Variants in ZFP28 observed in about 807,000 individuals in gnomAD.
ZFP28 encodes ZFP28 zinc finger protein, also known as zinc finger protein 28 homolog.
In ZFP28, 31 loss-of-function variants were observed where a neutral mutation model predicts 39.5. The observed-to-expected ratio is 0.79, with a 90% CI of 0.59 to 1.06. The LOEUF is 1.06. Ranked by LOEUF, ZFP28 falls within the 50% of genes least tolerant of loss-of-function variation. The probability of loss-of-function intolerance (pLI) is 0.00; values close to 1 mark genes in which losing one functional copy is unlikely to be tolerated. For missense variants in ZFP28, 925 were observed against 1,048.4 expected (o/e 0.88, Z 1.63); for synonymous variants, 400 against 378.6 (o/e 1.06, Z -0.66).
intron 2 of ZFP28, among the ~76,000 whole-genome samples, chr19:56,541,248 G>A (rs1333091880): frequency 6.6e-6 from 1 of 152,152 alleles, no homozygotes; most frequent in Non-Finnish European, 1.5e-5. Context: ...TACTCAGTCC[G>A]GAAGCCTTGT....
chr19:56,548,862 C>CT, intron 4 of ZFP28, 96 bp from the exon 5 acceptor site: 1 of 1,267,336 alleles, frequency 7.9e-7, no homozygotes, highest in South Asian at 1.7e-5. Flanking sequence ...TGACTATATG[C>CT]TTTTTTGTGG....
chr19:56,537,443 A>G (rs1258747042), upstream of ZFP28, among the ~76,000 whole-genome samples: 3 of 151,964 alleles, frequency 2.0e-5, no homozygotes, highest in Non-Finnish European at 4.4e-5. Flanking sequence ...CAGAGCCACT[A>G]CTCCTTACAA....
chr19:56,539,148 CG>C lies in ZFP28; in HGVS notation c.134del (p.Gly45GlufsTer59). 1 of 1,596,506 alleles carries C rather than the reference CG, an allele frequency of 6.3e-7. No individual in the cohort carries two copies. ...TCCAGCCACCTTGGCCCTCCCTGCC[CG>C]GGGAAGGCCGCGCTCAAGGAATGGC... ...GTPATLALPARGRPRSRNGLA... is the reference protein window; with the variant it reads ...GTPATLALPAXGRPRSRNGLA... On this transcript the variant is annotated frameshift_variant, in exon 1 of 8. Coordinates refer to ENST00000301318, the MANE Select transcript of ZFP28 (RefSeq NM_020828.2). LOFTEE classifies it high-confidence loss of function.
chr19:56,540,577 T>C (rs1489111133), intron 2 of ZFP28, among the ~76,000 whole-genome samples: 1 of 152,236 alleles, frequency 6.6e-6, no homozygotes, highest in African/African-American at 2.4e-5. Context: ...GATGCAGTGC[T>C]CAATTCTTAG....
At chr19:56,546,920 T>C (rs1162365186) in intron 2 of ZFP28, 1 of 152,516 alleles carries the variant, frequency 6.6e-6, no homozygotes, top group African/African-American at 2.4e-5. Flanking sequence ...TCAGGGGCTG[T>C]CTCCATATTT....
At position 56,555,315 on chromosome 19, in the gene ZFP28, T is replaced by G; in HGVS notation, c.2530T>G (p.Ser844Ala). 2 of 1,614,090 alleles carry G rather than the reference T, an allele frequency of 1.2e-6. No homozygotes were observed. Among genetic ancestry groups the G allele is most frequent in the Non-Finnish European group, 1.7e-6 (2 of 1,180,012 alleles). The change falls in exon 8 of 8, where the codon TCT (serine) becomes GCT (alanine). Residue 844 changes from serine (S) to alanine (A), a missense_variant. This residue lies in a region of ZFP28 where 369 missense variants were observed against 505.5 expected (regional missense o/e 0.73). Coordinates refer to ENST00000301318, the MANE Select transcript of ZFP28 (RefSeq NM_020828.2). ...TACTGGAGAGTCGTCAACATGCCCC[T>G]CTTTACCTTCCACGTCAAATCCTGT... is the stretch of plus-strand genomic sequence containing the variant. ...IHTGESSTCPSLPSTSNPVDL... is the reference protein window; with the variant it reads ...IHTGESSTCPALPSTSNPVDL...
rs758888332 is a variant in ZFP28, at chr19:56,554,624, G to C, written c.1839G>C (p.Gly613=). 12 of 1,613,716 alleles carry C rather than the reference G, an allele frequency of 7.4e-6. No homozygotes were observed. The highest frequency in any genetic ancestry group is 9.3e-6 in the Non-Finnish European group (11 of 1,179,690). ...HLASHLRIHT[G]EKPFECAECG... is the part of the protein sequence containing the mutation. The stretch of plus-strand genomic sequence containing the variant: ...CCAGTCATTTAAGGATTCATACTGG[G>C]GAGAAGCCTTTTGAATGTGCGGAGT... Residue 613 remains glycine (G), a synonymous_variant, in exon 8 of 8, where the codon GGG becomes GGC. Coordinates refer to ENST00000301318, the MANE Select transcript of ZFP28 (RefSeq NM_020828.2). The surrounding 1 kb of genome is among the most constrained non-coding windows in gnomAD (Gnocchi z 6.7).
chr19:56,551,054 C>A, intron 7 of ZFP28: 1 of 1,158,420 alleles, frequency 8.6e-7, no homozygotes, highest in Non-Finnish European at 1.1e-6. Context: ...TAAATGTAAG[C>A]CATCAGTGAA....
chr19:56,551,174 G>T (rs373345367), intron 7 of ZFP28: 1 of 990,404 alleles, frequency 1.0e-6, no homozygotes. Context: ...GTTCCCAGTG[G>T]TGTCTATGTT....
chr19:56,538,877 C>A, upstream of ZFP28: 3 of 551,074 alleles, frequency 5.4e-6, no homozygotes, highest in Non-Finnish European at 7.2e-6. Context: ...GGGGGCGGGG[C>A]GGCTCCGCGG....
At chr19:56,539,516 G>T in intron 1 of ZFP28, 109 bp from the exon 2 acceptor site, 5 of 939,446 alleles carry the variant, frequency 5.3e-6, no homozygotes, top group Non-Finnish European at 8.2e-6. Flanking sequence ...CAGTCCCTAG[G>T]CAGGGTAATG....
chr19:56,550,782 T>C (rs1305402904), intron 7 of ZFP28, 177 bp downstream of exon 7: 1 of 1,527,662 alleles, frequency 6.5e-7, no homozygotes, highest in Non-Finnish European at 8.8e-7. Context: ...TTTGCCCCCT[T>C]CTCTCCAGTA....
chr19:56,540,739 T>C (rs1000714670), intron 2 of ZFP28, among the ~76,000 whole-genome samples: 3 of 152,324 alleles, frequency 2.0e-5, no homozygotes, highest in African/African-American at 7.2e-5. Context: ...AAAGACAATA[T>C]GTAAATGAAT....
At chr19:56,537,244 G>C (rs1367761674), upstream of ZFP28, among the ~76,000 whole-genome samples, 1 of 152,172 alleles carries the variant, frequency 6.6e-6, no homozygotes, top group African/African-American at 2.4e-5. Flanking sequence ...GCCTCCAGTG[G>C]AATGTTGAGT....
rs1337113921 is a variant in ZFP28 at position 56,550,105 on chromosome 19, C to T, written c.726C>T (p.Arg242=). 1.2e-6 allele frequency: 2 copies of T among 1,613,162 alleles called. No individual in the cohort carries two copies. Among genetic ancestry groups the T allele is most frequent in the Non-Finnish European group, 1.7e-6 (2 of 1,179,718 alleles). Residue 242 remains arginine (R), a synonymous_variant, in exon 6 of 8, where the codon CGC becomes CGT. Coordinates refer to ENST00000301318, the MANE Select transcript of ZFP28 (RefSeq NM_020828.2). ...VTIKNLAVDF[R]QQLHPAQKNF... ...TCAAAAACCTGGCTGTTGACTTCCGCCAGCAGCTACACCCAGCTCAGAAGA... is the reference window on the plus strand; with the variant it reads ...TCAAAAACCTGGCTGTTGACTTCCGTCAGCAGCTACACCCAGCTCAGAAGA...
Position 56,554,312 on chromosome 19 carries a change from T to C in ZFP28, c.1527T>C (p.Asp509=), listed in dbSNP as rs760925760. ...HTGEKPFDCI[D]CGKAFSDHIG... is the part of the protein sequence containing the mutation. The stretch of plus-strand genomic sequence containing the variant: ...GGGAGAAACCCTTTGATTGCATCGA[T>C]TGTGGGAAAGCCTTCAGTGACCACA... Residue 509 remains aspartate, a synonymous_variant, in exon 8 of 8, where the codon GAT becomes GAC. Transcript: ENST00000301318. This position sits in a 1 kb window ranked among gnomAD's most constrained non-coding sequence, Gnocchi z 6.7. The C allele has an allele frequency of 9.3e-6, 15 of 1,613,916 alleles. No individual in the cohort carries two copies. Among genetic ancestry groups the C allele is most frequent in the African/African-American group, 1.3e-5 (1 of 74,874 alleles).
At chr19:56,545,837 C>T (rs1275352762) in intron 2 of ZFP28, 2 of 152,220 alleles carry the variant, frequency 1.3e-5, no homozygotes, top group African/African-American at 4.8e-5. Flanking sequence ...GCTACATTAT[C>T]AGGTTCACCA....
In ZFP28 at chr19:56,547,573, C is replaced by T; in HGVS notation, c.366C>T (p.Pro122=). 6.2e-7 allele frequency: 1 copy of T among 1,613,956 alleles called. No individual in the cohort carries two copies. Among genetic ancestry groups the T allele is most frequent in the Non-Finnish European group, 8.5e-7 (1 of 1,179,922 alleles). Residue 122 remains proline (P), a synonymous_variant, in exon 3 of 8, where the codon CCC becomes CCT. Transcript: ENST00000301318. The surrounding 1 kb of genome is among the most constrained non-coding windows in gnomAD (Gnocchi z 4.6). ...AAGAGGAGTGGGAGTGGCTGAACCCCATTCAGAGGAACTTGTACAGGAAGG... is the reference window on the plus strand; with the variant it reads ...AAGAGGAGTGGGAGTGGCTGAACCCTATTCAGAGGAACTTGTACAGGAAGG... ...FSQEEWEWLN[P]IQRNLYRKVM... is the part of the protein sequence containing the mutation.
chr19:56,551,963 T>A (rs1370362198), intron 7 of ZFP28: 1 of 975,580 alleles, frequency 1.0e-6, no homozygotes, highest in Non-Finnish European at 1.2e-6. Context: ...TTTAAAATTA[T>A]GACATGTAAA....
Sources: gnomAD v4.1 joint callset for allele counts (sites outside exome capture counted in the v4.1 genomes callset) on GRCh38, gnomAD v4.1.1 for gene constraint, gnomAD v4.1.1 regional missense constraint, Gnocchi (gnomAD v3.1) non-coding constraint, MANE v1.5 for transcripts, NCBI Gene and HGNC (gene_info 2026-07-23, HGNC 2026-07-21) for gene names.